CAB39L: variants seen among roughly 807,000 people sequenced by gnomAD.
CAB39L encodes calcium-binding protein 39-like.
Under a neutral mutation model 39.1 loss-of-function variants are expected in CAB39L, and 23 were observed. That is an observed-to-expected ratio of 0.59 (90% confidence interval 0.42 to 0.83). CAB39L has a LOEUF of 0.83. CAB39L is among the 40% of genes least tolerant of loss of function. The pLI is 0.00. For missense variants in CAB39L, 366 were observed against 391.9 expected (o/e 0.93, Z 0.56); for synonymous variants, 126 against 137.2 (o/e 0.92, Z 0.57).
At chr13:49,423,002 CA>C (rs1957192867) in intron 3 of CAB39L, among the ~76,000 whole-genome samples, 1 of 151,928 alleles carries the variant, frequency 6.6e-6, no homozygotes, top group South Asian at 2.1e-4. Flanking sequence ...GAATTTTTTC[CA>C]AGTTATACGT....
At chr13:49,432,188 T>C (rs765572475) in intron 3 of CAB39L, among the ~76,000 whole-genome samples, 6 of 152,154 alleles carry the variant, frequency 3.9e-5, no homozygotes, top group Non-Finnish European at 8.8e-5. Context: ...AAGCTCTTGA[T>C]CTGTTGCCCA....
chr13:49,345,758 T>C (rs1459380810), intron 7 of CAB39L, among the ~76,000 whole-genome samples: 2 of 151,974 alleles, frequency 1.3e-5, no homozygotes, highest in Non-Finnish European at 2.9e-5. Flanking sequence ...ACACTGTGGA[T>C]TGCTGCACCC....
At chr13:49,422,022 T>C (rs527716883) in intron 3 of CAB39L, among the ~76,000 whole-genome samples, 1 of 152,028 alleles carries the variant, frequency 6.6e-6, no homozygotes, top group South Asian at 2.1e-4. Context: ...AGGGATAACT[T>C]ATACCAAGAA....
intron 5 of CAB39L, among the ~76,000 whole-genome samples, chr13:49,373,089 G>A (rs191064812): frequency 2.4e-4 from 36 of 152,260 alleles, no homozygotes; most frequent in African/African-American, 8.7e-4. Context: ...TTTATGAAAG[G>A]TTCCTCAGTC....
chr13:49,427,532 TAAAAG>T (rs1015502838), intron 3 of CAB39L, among the ~76,000 whole-genome samples: 2 of 151,942 alleles, frequency 1.3e-5, no homozygotes, highest in African/African-American at 4.8e-5. Flanking sequence ...CTACAAGAAA[TAAAAG>T]AATTAGCTGG....
chr13:49,351,650 T>C (rs551347897), intron 6 of CAB39L, among the ~76,000 whole-genome samples: 1 of 152,278 alleles, frequency 6.6e-6, no homozygotes, highest in African/African-American at 2.4e-5. Context: ...TTGTTGAGAA[T>C]GTCTGTAAAA....
intron 3 of CAB39L, among the ~76,000 whole-genome samples, chr13:49,396,758 C>G (rs919969443): frequency 6.6e-6 from 1 of 151,878 alleles, no homozygotes; most frequent in African/African-American, 2.4e-5. Context: ...ATTCCTTTAC[C>G]TGTATTCCAA....
intron 3 of CAB39L, among the ~76,000 whole-genome samples, chr13:49,392,189 A>T (rs527502951): frequency 9.1e-4 from 139 of 152,316 alleles, no homozygotes; most frequent in African/African-American, 2.9e-3. Flanking sequence ...CTACATATAC[A>T]GTGTATGTAA....
intron 1 of CAB39L, among the ~76,000 whole-genome samples, chr13:49,443,731 C>G (rs1368428295): frequency 6.6e-6 from 1 of 152,020 alleles, no homozygotes; most frequent in African/African-American, 2.4e-5. Context: ...ACCTGGGATC[C>G]CTACTATTAC....
chr13:49,377,155 C>A, intron 4 of CAB39L, 24 bp from the exon 5 acceptor site: 3 of 1,593,640 alleles, frequency 1.9e-6, no homozygotes, highest in South Asian at 1.1e-5. Context: ...CGTATGCTAA[C>A]GGTTAAAAGA....
intron 3 of CAB39L, among the ~76,000 whole-genome samples, chr13:49,428,470 T>C (rs759047938): frequency 1.3e-5 from 2 of 152,190 alleles, no homozygotes; most frequent in Non-Finnish European, 2.9e-5. Flanking sequence ...CACAGACCAG[T>C]CTTGGCACAG....
At chr13:49,372,319 A>G (rs1227590409) in intron 5 of CAB39L, among the ~76,000 whole-genome samples, 1 of 152,166 alleles carries the variant, frequency 6.6e-6, no homozygotes, top group Non-Finnish European at 1.5e-5. Context: ...TAGCTACATA[A>G]TGAGATTTTT....
rs1953952712 is a variant in CAB39L, at chr13:49,310,473, TCA to T, written c.*339_*340del. ...CCATTCCCAGTTCTCCCCTGAGAAC[TCA>T]GTCCTCCTTGAAGACTTGGTGATGC... On this transcript the variant is annotated 3_prime_UTR_variant, in exon 11 of 11. Coordinates refer to ENST00000409308, the MANE Select transcript of CAB39L (RefSeq NM_001079670.3). The T allele has an allele frequency of 5.0e-6, 1 of 200,544 alleles. No homozygotes were observed. The highest frequency in any genetic ancestry group is 2.3e-5 in the African/African-American group (1 of 43,306). The allele number at this position is 200,544 out of a possible 1,614,324, so 12.4% of individuals were successfully genotyped here. A position where few individuals can be genotyped will look rare whatever the true frequency, so the allele number is the denominator to read the frequency against.
At chr13:49,350,016 A>G (rs779114562) in intron 7 of CAB39L, among the ~76,000 whole-genome samples, 49 of 152,282 alleles carry the variant, frequency 3.2e-4, no homozygotes, top group Non-Finnish European at 5.3e-4. Context: ...AACCAAAAGT[A>G]AAATGATTGT....
chr13:49,331,524 A>G (rs548310448), intron 10 of CAB39L, among the ~76,000 whole-genome samples: 1 of 152,254 alleles, frequency 6.6e-6, no homozygotes, highest in Admixed American at 6.5e-5. Context: ...CTTTTCTATC[A>G]TAACAAAATA....
intron 3 of CAB39L, among the ~76,000 whole-genome samples, chr13:49,387,425 G>C (rs1956390242): frequency 6.6e-6 from 1 of 152,162 alleles, no homozygotes; most frequent in South Asian, 2.1e-4. Flanking sequence ...TGTTAGTCCA[G>C]AAGGCTGACA....
intron 10 of CAB39L, among the ~76,000 whole-genome samples, chr13:49,331,322 C>T (rs1042842098): frequency 3.3e-5 from 5 of 151,836 alleles, no homozygotes; most frequent in Non-Finnish European, 7.4e-5. Flanking sequence ...AAAAATTAGC[C>T]AGGAGTGGTG....
intron 10 of CAB39L, among the ~76,000 whole-genome samples, chr13:49,329,545 ATATATATATATATATATAT>A (rs1380548629): frequency 0.092 from 7,816 of 84,514 alleles, 1,143 homozygotes; most frequent in African/African-American, 0.13. Flanking sequence ...AAAAAAAAAA[ATATATATATATATATATAT>A]ATATATATAT....
Position 49,424,012 on chromosome 13 carries a change from G to T in CAB39L, c.-32+9306C>A, listed in dbSNP as rs143208179. ...AAAATCTCTAAAAATAGAATAACAA[G>T]TCCATACTGACATAAGCTATTGAAT... On this transcript the variant is annotated intron_variant, in intron 3 of 10. Coordinates refer to ENST00000409308, the MANE Select transcript of CAB39L (RefSeq NM_001079670.3). Among the ~76,000 whole-genome samples, 1,236 of 152,280 alleles carry T rather than the reference G, an allele frequency of 8.1e-3. 20 individuals are homozygous for T. Among genetic ancestry groups the T allele is most frequent in the African/African-American group, 0.027 (1,117 of 41,560 alleles).
Sources: gnomAD v4.1 joint callset for allele counts (sites outside exome capture counted in the v4.1 genomes callset) on GRCh38, gnomAD v4.1.1 for gene constraint, MANE v1.5 for transcripts, NCBI Gene and HGNC (gene_info 2026-07-23, HGNC 2026-07-21) for gene names.